ATXN10: variants seen among roughly 807,000 people sequenced by gnomAD.
ATXN10 encodes ataxin-10.
ATXN10 carries 28 observed loss-of-function variants against 52.9 expected under a neutral mutation model. The ratio of observed to expected loss-of-function variants is 0.53; its 90% CI spans 0.39 to 0.73. ATXN10 has a LOEUF of 0.73. Ranked by LOEUF, ATXN10 falls within the 30% of genes least tolerant of loss-of-function variation. The pLI, the probability that ATXN10 is intolerant of heterozygous loss-of-function variation, is 0.00. For missense variants in ATXN10, 565 were observed against 577.0 expected, an observed-to-expected ratio of 0.98 and a Z score of 0.21; for synonymous variants, 226 against 221.5, an observed-to-expected ratio of 1.02 and a Z score of -0.18.
intron 7 of ATXN10, among the ~76,000 whole-genome samples, chr22:45,730,432 G>A (rs570355497): frequency 1.3e-5 from 2 of 151,832 alleles, no homozygotes; most frequent in Non-Finnish European, 2.9e-5. Context: ...GGACATTTAG[G>A]TTGTTTGTTT....
chr22:45,836,145 GAGACCCTGTGT>G (rs1422565287), intron 10 of ATXN10, among the ~76,000 whole-genome samples: 2 of 152,180 alleles, frequency 1.3e-5, no homozygotes, highest in African/African-American at 4.8e-5. Flanking sequence ...GTCATGCAGG[GAGACCCTGTGT>G]AGAATCTGCA....
rs1214052874 is a variant in ATXN10 at position 45,806,996 on chromosome 22, A to G, written c.1211A>G (p.Asn404Ser). ...GATGGTATCCCGTTGATCCTGGACA[A>G]CTGCAACATCAGTGACAGTAACCCC... ...ELDGIPLILD[N>S]CNISDSNPFL... Residue 404 changes from asparagine (N) to serine (S), a missense_variant, in exon 10 of 12, where the codon AAC (asparagine) becomes AGC (serine). Coordinates refer to ENST00000252934, the MANE Select transcript of ATXN10 (RefSeq NM_013236.4). 1.2e-6 allele frequency: 2 copies of G among 1,614,076 alleles called. No homozygotes were observed. The highest frequency in any genetic ancestry group is 1.1e-5 in the South Asian group (1 of 91,082).
rs918702030 is a variant in ATXN10, at chr22:45,843,338, G to T, written c.1425+160G>T. On this transcript the variant is annotated intron_variant, in intron 11 of 11. Coordinates refer to ENST00000252934, the MANE Select transcript of ATXN10 (RefSeq NM_013236.4). The surrounding 1 kb of genome is among the most constrained non-coding windows in gnomAD (Gnocchi z 4.5). ...GAAAGCCCTAAAGATAGCTGCAAAC[G>T]GTTTTTTTGTTCCGGCTTTATGCTG... is the stretch of plus-strand genomic sequence containing the variant. 6.6e-6 allele frequency among the ~76,000 whole-genome samples: 1 copy of T among 152,100 alleles called. No homozygotes were observed. Among genetic ancestry groups the T allele is most frequent in the South Asian group, 2.1e-4 (1 of 4,824 alleles).
At position 45,825,667 on chromosome 22, in the gene ATXN10, A is replaced by AG. The variant is rs1346183474; in HGVS notation, c.1238-17319dup. Reference sequence around the variant, plus strand: ...AGAAACAGGAAAGTAGGCCCATTCAAGGGGGAAAAAATGAAACAAACAGAA... The same window carrying AG: ...AGAAACAGGAAAGTAGGCCCATTCAAGGGGGGAAAAAATGAAACAAACAGAA... On this transcript the variant is annotated intron_variant, in intron 10 of 11. Transcript: ENST00000252934. This position sits in a 1 kb window ranked among gnomAD's most constrained non-coding sequence, Gnocchi z 4.5. 6.6e-6 allele frequency among the ~76,000 whole-genome samples: 1 copy of AG among 152,212 alleles called. No individual in the cohort carries two copies. The highest frequency in any genetic ancestry group is 1.5e-5 in the Non-Finnish European group (1 of 68,034).
At chr22:45,694,484 TC>T (rs1923510815) in intron 3 of ATXN10, among the ~76,000 whole-genome samples, 1 of 151,608 alleles carries the variant, frequency 6.6e-6, no homozygotes, top group Non-Finnish European at 1.5e-5. Context: ...AAACCCCGTT[TC>T]CAAAAAAATA....
chr22:45,831,526 G>A (rs965772995), intron 10 of ATXN10, among the ~76,000 whole-genome samples: 2 of 152,156 alleles, frequency 1.3e-5, no homozygotes, highest in African/African-American at 2.4e-5. Flanking sequence ...AGTTCTGTCT[G>A]TTTAACAGTA....
chr22:45,723,521 C>T (rs1302545393), intron 6 of ATXN10, among the ~76,000 whole-genome samples: 3 of 152,260 alleles, frequency 2.0e-5, no homozygotes, highest in African/African-American at 7.2e-5. Flanking sequence ...ATTCCTTACC[C>T]TCCTCCTAAC....
At chr22:45,760,439 AG>A (rs2146828531) in intron 9 of ATXN10, 1 of 154,250 alleles carries the variant, frequency 6.5e-6, no homozygotes, top group Non-Finnish European at 1.5e-5. Flanking sequence ...GTGGAGTCAG[AG>A]GCAGTCCTTG....
rs1927270458 is a variant in ATXN10 at position 45,784,872 on chromosome 22, A to G, written c.1174-22087A>G. ...TTGATGGCAAGGAGCTTATCATAATACAACAAGCAATTGAGATTCTGTCCA... is the reference window on the plus strand; with the variant it reads ...TTGATGGCAAGGAGCTTATCATAATGCAACAAGCAATTGAGATTCTGTCCA... On this transcript the variant is annotated intron_variant, in intron 9 of 11. Coordinates refer to ENST00000252934, the MANE Select transcript of ATXN10 (RefSeq NM_013236.4). This position sits in a 1 kb window ranked among gnomAD's most constrained non-coding sequence, Gnocchi z 4.2. 6.6e-6 allele frequency among the ~76,000 whole-genome samples: 1 copy of G among 152,220 alleles called. No homozygotes were observed. The highest frequency in any genetic ancestry group is 2.1e-4 in the South Asian group (1 of 4,834).
In ATXN10 at chr22:45,844,424, G is replaced by T. The variant is rs934367188; in HGVS notation, c.*753G>T. 6.6e-6 allele frequency: 1 copy of T among 152,230 alleles called. No individual in the cohort carries two copies. Among genetic ancestry groups the T allele is most frequent in the African/African-American group, 2.4e-5 (1 of 41,440 alleles). The allele number at this position is 152,230 out of a possible 1,614,324, so 9.4% of individuals were successfully genotyped here. On this transcript the variant is annotated 3_prime_UTR_variant, in exon 12 of 12. Coordinates refer to ENST00000252934, the MANE Select transcript of ATXN10 (RefSeq NM_013236.4). The stretch of plus-strand genomic sequence containing the variant: ...AAGGAATAGCTTATGTTCTGCTCTG[G>T]TGCAGTGCCGTAGATTAAAGGTACA...
In ATXN10 at chr22:45,789,013, T is replaced by A. The variant is rs1461226751; in HGVS notation, c.1174-17946T>A. ...CCCCAAGATACAGATTAAGTTGGCA[T>A]GAGGTGGGGCCAAGACATGGGTAGT... On this transcript the variant is annotated intron_variant, in intron 9 of 11. Coordinates refer to ENST00000252934, the MANE Select transcript of ATXN10 (RefSeq NM_013236.4). The surrounding 1 kb of genome is among the most constrained non-coding windows in gnomAD (Gnocchi z 4.0). 1.3e-5 allele frequency among the ~76,000 whole-genome samples: 2 copies of A among 152,100 alleles called. No homozygotes were observed. The highest frequency in any genetic ancestry group is 4.8e-5 in the African/African-American group (2 of 41,442).
At chr22:45,721,051 T>G (rs1318643444) in intron 6 of ATXN10, among the ~76,000 whole-genome samples, 1 of 152,212 alleles carries the variant, frequency 6.6e-6, no homozygotes, top group Non-Finnish European at 1.5e-5. Flanking sequence ...TTAAGCTTTT[T>G]TCTTGTGCTA....
intron 10 of ATXN10, among the ~76,000 whole-genome samples, chr22:45,836,206 G>A (rs1929162653): frequency 6.6e-6 from 1 of 152,216 alleles, no homozygotes; most frequent in Non-Finnish European, 1.5e-5. Context: ...TGAATGAGAA[G>A]AGTATGCAGT....
intron 1 of ATXN10, among the ~76,000 whole-genome samples, chr22:45,682,934 C>T (rs1387253139): frequency 2.0e-5 from 3 of 152,194 alleles, no homozygotes; most frequent in Non-Finnish European, 4.4e-5. Flanking sequence ...CTCCTGCTGT[C>T]GTCTCTTTCT....
At chr22:45,796,951 A>G (rs544074436) in intron 9 of ATXN10, among the ~76,000 whole-genome samples, 1 of 152,380 alleles carries the variant, frequency 6.6e-6, no homozygotes, top group Non-Finnish European at 1.5e-5. Context: ...ATTAGACAAA[A>G]TAGACCTAAG....
Position 45,783,661 on chromosome 22 carries a change from G to C in ATXN10, c.1174-23298G>C, listed in dbSNP as rs560387710. ...TTATCCCCACCCACATCCTGACATT[G>C]GTAAGAGCAGTACCTGTTTCTGATT... On this transcript the variant is annotated intron_variant, in intron 9 of 11. Coordinates refer to ENST00000252934, the MANE Select transcript of ATXN10 (RefSeq NM_013236.4). The surrounding 1 kb of genome is among the most constrained non-coding windows in gnomAD (Gnocchi z 5.0). Among the ~76,000 whole-genome samples, 13 of 152,070 alleles carry C rather than the reference G, an allele frequency of 8.5e-5. No homozygotes were observed. Among genetic ancestry groups the C allele is most frequent in the African/African-American group, 2.9e-4 (12 of 41,398 alleles).
At chr22:45,829,445 A>G (rs1353822583) in intron 10 of ATXN10, among the ~76,000 whole-genome samples, 2 of 152,216 alleles carry the variant, frequency 1.3e-5, no homozygotes, top group Admixed American at 1.3e-4. Flanking sequence ...TTATCTTTTC[A>G]CAGATTATAT....
chr22:45,685,495 C>T (rs945220597), intron 1 of ATXN10, among the ~76,000 whole-genome samples: 2 of 152,138 alleles, frequency 1.3e-5, no homozygotes, highest in African/African-American at 4.8e-5. Flanking sequence ...GCAGAAATGA[C>T]AGCAGTTATT....
chr22:45,788,523 C>T (rs1927396711), intron 9 of ATXN10, among the ~76,000 whole-genome samples: 1 of 151,786 alleles, frequency 6.6e-6, no homozygotes, highest in South Asian at 2.1e-4. Flanking sequence ...TTTCATTCAG[C>T]GTCTGCAGCA....
Sources: allele counts gnomAD v4.1 joint callset (sites outside exome capture counted in the v4.1 genomes callset), GRCh38; gene constraint gnomAD v4.1.1; non-coding constraint Gnocchi (gnomAD v3.1); transcripts MANE v1.5; gene names NCBI Gene and HGNC (gene_info 2026-07-23, HGNC 2026-07-21).